Variants in ZNF229 observed in about 807,000 individuals in gnomAD.
ZNF229 encodes the protein zinc finger protein 229.
In ZNF229, 10 loss-of-function variants were observed where a neutral mutation model predicts 11.8. That is an observed-to-expected ratio of 0.85 (90% CI 0.52 to 1.44). ZNF229 has a LOEUF of 1.44. Ranked by LOEUF, ZNF229 falls within the 40% of genes most tolerant of loss-of-function variation. The probability of loss-of-function intolerance (pLI) is 0.00; values close to 1 mark genes in which losing one functional copy is unlikely to be tolerated. For missense variants in ZNF229, 1,045 were observed against 1,015.1 expected (o/e 1.03, Z -0.40); for synonymous variants, 368 against 374.8 (o/e 0.98, Z 0.21).
rs376357564 is a variant in ZNF229, at chr19:44,442,998, C to G, written c.-151G>C. Reference sequence around the variant, plus strand: ...CTGTCTCCACCTTTACTGTCCAGAGCGCGACTGCTTCCCATGGTCAGGGGA... The same window carrying G: ...CTGTCTCCACCTTTACTGTCCAGAGGGCGACTGCTTCCCATGGTCAGGGGA... On this transcript the variant is annotated 5_prime_UTR_variant, in exon 3 of 6. Coordinates refer to ENST00000614049, the MANE Select transcript of ZNF229 (RefSeq NM_014518.4). The G allele has an allele frequency of 3.7e-5, 33 of 897,226 alleles. 1 individual carries two copies. The highest frequency in any genetic ancestry group is 3.0e-4 in the East Asian group (12 of 39,656). The allele number at this position is 897,226 out of a possible 1,614,324, so 55.6% of individuals were successfully genotyped here.
At chr19:44,440,700 T>C (rs771555883) in intron 4 of ZNF229, among the ~76,000 whole-genome samples, 18 of 151,718 alleles carry the variant, frequency 1.2e-4, no homozygotes, top group Non-Finnish European at 2.6e-4. Context: ...CCCTGGCAAC[T>C]TGCAATTTGA....
At chr19:44,436,068 A>C (rs1478160319) in intron 4 of ZNF229, among the ~76,000 whole-genome samples, 3 of 152,244 alleles carry the variant, frequency 2.0e-5, no homozygotes, top group African/African-American at 7.2e-5. Flanking sequence ...CAATGGATCA[A>C]GTATAGATAC....
rs1162696266 is a variant in ZNF229, at chr19:44,428,686, G to A, written c.2095C>T (p.Leu699Phe). The A allele has an allele frequency of 6.2e-7, 1 of 1,613,950 alleles. No homozygotes were observed. The highest frequency in any genetic ancestry group is 1.7e-5 in the Admixed American group (1 of 60,012). Residue 699 changes from leucine (L) to phenylalanine (F), a missense_variant, in exon 6 of 6, where the codon CTT becomes TTT. By Grantham distance (22) the Leu-to-Phe change is conservative. Coordinates refer to ENST00000614049, the MANE Select transcript of ZNF229 (RefSeq NM_014518.4). The part of the protein sequence containing the change: ...CGKGFSYGSN[L>F]RTHQRLHTGE... Reference sequence around the variant, plus strand: ...GTGTGCAACCTCTGGTGGGTGCGAAGATTAGAGCCATAACTGAATCCCTTG... The same window carrying A: ...GTGTGCAACCTCTGGTGGGTGCGAAAATTAGAGCCATAACTGAATCCCTTG...
intron 4 of ZNF229, among the ~76,000 whole-genome samples, chr19:44,433,012 T>C (rs1971752202): frequency 6.6e-6 from 1 of 152,016 alleles, no homozygotes; most frequent in East Asian, 1.9e-4. Flanking sequence ...ACCCCAGATA[T>C]GCAGCATCAA....
At chr19:44,431,625 G>T (rs1600014092) in intron 5 of ZNF229, 1 of 286,314 alleles carries the variant, frequency 3.5e-6, no homozygotes, top group Non-Finnish European at 5.2e-6. Flanking sequence ...AAATGAAGTT[G>T]CAGAATAATC....
chr19:44,431,507 G>T lies in ZNF229; in HGVS notation c.238+715C>A, dbSNP rs1971722510. 2.0e-5 allele frequency among the ~76,000 whole-genome samples: 3 copies of T among 152,130 alleles called. No individual in the cohort carries two copies. In the South Asian group the frequency reaches 6.2e-4, roughly 32 times the overall value. Reference sequence around the variant, plus strand: ...CCACTGGCTTGCCTTCTACTGCCTGGCTGTTTCTATTAGAGGGACGGAAGT... The same window carrying T: ...CCACTGGCTTGCCTTCTACTGCCTGTCTGTTTCTATTAGAGGGACGGAAGT... On this transcript the variant is annotated intron_variant, in intron 5 of 5. Transcript: ENST00000614049.
rs746169558 is a variant in ZNF229, at chr19:44,428,996, C to T, written c.1785G>A (p.Thr595=). Residue 595 remains threonine (T), a synonymous_variant, in exon 6 of 6, where the codon ACG becomes ACA. Transcript: ENST00000614049. Reference sequence around the variant, plus strand: ...CGTCACACACGTAGGGCCTCTCTCCCGTGTGGACCCTCTGGTGGCTGTGAA... The same window carrying T: ...CGTCACACACGTAGGGCCTCTCTCCTGTGTGGACCCTCTGGTGGCTGTGAA... ...SDLHSHQRVH[T]GERPYVCDVC... The T allele has an allele frequency of 1.5e-5, 24 of 1,611,120 alleles. 1 individual carries two copies. The highest frequency in any genetic ancestry group is 1.2e-4 in the South Asian group (11 of 90,832).
intron 4 of ZNF229, among the ~76,000 whole-genome samples, chr19:44,435,706 T>C (rs1425509896): frequency 6.6e-6 from 1 of 152,160 alleles, no homozygotes; most frequent in Admixed American, 6.5e-5. Flanking sequence ...AGAAGCAATG[T>C]TTACAGAGGC....
At chr19:44,442,682 T>G in intron 3 of ZNF229, 61 bp from the exon 4 acceptor site, 2 of 1,606,592 alleles carry the variant, frequency 1.2e-6, no homozygotes, top group Non-Finnish European at 1.7e-6. Context: ...CTAGATCATC[T>G]ACCTGGTAGG....
In ZNF229 at chr19:44,428,751, A is replaced by G; in HGVS notation, c.2030T>C (p.Val677Ala). The G allele has an allele frequency of 6.2e-7, 1 of 1,613,674 alleles. No homozygotes were observed. Among genetic ancestry groups the G allele is most frequent in the African/African-American group, 1.3e-5 (1 of 74,796 alleles). Residue 677 changes from valine to alanine, a missense_variant, in exon 6 of 6, where the codon GTC (valine) becomes GCC (alanine). Val to Ala is a moderately conservative substitution (Grantham distance 64). Transcript: ENST00000614049. ...CGTATAGGGCTTTTTTCCCGTGTGG[A>G]CTCGCTGATGTTTGTGAAGGCTTGA... ...CTSSLHKHQR[V>A]HTGKKPYTCD...
rs748667361 is a variant in ZNF229, at chr19:44,430,530, C to T, written c.251G>A (p.Gly84Glu). The change falls in exon 6 of 6, where the codon GGA becomes GAA. Residue 84 changes from glycine (G) to glutamate (E), a missense_variant. Transcript: ENST00000614049. ...ATCTTGAATATACTCCGTATCCTTT[C>T]CATTCTTGTCTCCTATGAGGTTAAA... Reference protein sequence around the residue: ...GERNPLGDKNGKDTEYIQDEE... With the variant: ...GERNPLGDKNEKDTEYIQDEE... 56 of 1,612,224 alleles carry T rather than the reference C, an allele frequency of 3.5e-5. No homozygotes were observed. In the South Asian group the frequency reaches 5.9e-4, roughly 17 times the overall value.
At chr19:44,447,200 A>G (rs1972017366) in intron 2 of ZNF229, among the ~76,000 whole-genome samples, 1 of 152,226 alleles carries the variant, frequency 6.6e-6, no homozygotes, top group Non-Finnish European at 1.5e-5. Flanking sequence ...CCATGGATAA[A>G]TAATACCTGG....
chr19:44,430,584 G>C (rs749360366), intron 5 of ZNF229, 42 bp from the exon 6 acceptor site: 1 of 1,552,362 alleles, frequency 6.4e-7, no homozygotes. Context: ...ACTAGTAAAA[G>C]ACTGGCTCAG....
At chr19:44,431,340 T>C (rs1402043629) in intron 5 of ZNF229, among the ~76,000 whole-genome samples, 1 of 152,178 alleles carries the variant, frequency 6.6e-6, no homozygotes, top group Non-Finnish European at 1.5e-5. Context: ...AATTTGTCCA[T>C]GTTTTCTGAT....
intron 4 of ZNF229, among the ~76,000 whole-genome samples, chr19:44,439,127 A>C (rs1971864102): frequency 1.3e-5 from 2 of 152,182 alleles, no homozygotes; most frequent in African/African-American, 4.8e-5. Flanking sequence ...AAGGGCACCC[A>C]GCAAAACTGC....
chr19:44,428,663 G>A lies in ZNF229; in HGVS notation c.2118C>T (p.His706=). 4 of 1,613,996 alleles carry A rather than the reference G, an allele frequency of 2.5e-6. No homozygotes were observed. The highest frequency in any genetic ancestry group is 2.5e-6 in the Non-Finnish European group (3 of 1,180,008). Residue 706 remains histidine, a synonymous_variant, in exon 6 of 6, where the codon CAC becomes CAT. Coordinates refer to ENST00000614049, the MANE Select transcript of ZNF229 (RefSeq NM_014518.4). ...AACAAGTGTAGGGTTTCTCTCCTGTGTGCAACCTCTGGTGGGTGCGAAGAT... is the reference window on the plus strand; with the variant it reads ...AACAAGTGTAGGGTTTCTCTCCTGTATGCAACCTCTGGTGGGTGCGAAGAT... The part of the protein sequence containing the change: ...GSNLRTHQRL[H]TGEKPYTCCE...
rs975863187 is a variant in ZNF229, at chr19:44,426,958, C to T, written c.*1345G>A. 1 of 152,120 alleles carries T rather than the reference C, an allele frequency of 6.6e-6. No homozygotes were observed. The highest frequency in any genetic ancestry group is 2.4e-5 in the African/African-American group (1 of 41,370). The allele number at this position is 152,120 out of a possible 1,614,324, so 9.4% of individuals were successfully genotyped here. On this transcript the variant is annotated 3_prime_UTR_variant, in exon 6 of 6. Transcript: ENST00000614049. ...AAGAGGTTTAACTCACACACAGTTC[C>T]ACATGGCTGGGGAGGCCTCCGAAAA... is the stretch of plus-strand genomic sequence containing the variant.
In ZNF229 at chr19:44,426,733, G is replaced by A. The variant is rs1297880746; in HGVS notation, c.*1570C>T. On this transcript the variant is annotated 3_prime_UTR_variant, in exon 6 of 6. Coordinates refer to ENST00000614049, the MANE Select transcript of ZNF229 (RefSeq NM_014518.4). ...ACCTTCTGCATGCGTTTTTGCCCAA[G>A]TGGGCAACTATCTCCCAAGTATCAA... 6.6e-6 allele frequency: 1 copy of A among 152,100 alleles called. No homozygotes were observed. 9.4% of individuals were successfully genotyped at this position (152,100 alleles called of 1,614,324 possible).
chr19:44,426,986 T>TA lies in ZNF229; in HGVS notation c.*1316dup, dbSNP rs1599998956. 6.6e-6 allele frequency: 1 copy of TA among 152,058 alleles called. No individual in the cohort carries two copies. The highest frequency in any genetic ancestry group is 2.4e-5 in the African/African-American group (1 of 41,348). The allele number at this position is 152,058 out of a possible 1,614,324, so 9.4% of individuals were successfully genotyped here. A position where few individuals can be genotyped will look rare whatever the true frequency, so the allele number is the denominator to read the frequency against. On this transcript the variant is annotated 3_prime_UTR_variant, in exon 6 of 6. Transcript: ENST00000614049. ...ATGGCTGGGGAGGCCTCCGAAAACT[T>TA]AGTCATGGCAGAACGCAAAAGAGAA...
Sources: allele counts gnomAD v4.1 joint callset (sites outside exome capture counted in the v4.1 genomes callset), GRCh38; gene constraint gnomAD v4.1.1; transcripts MANE v1.5; gene names NCBI Gene and HGNC (gene_info 2026-07-23, HGNC 2026-07-21).